Variants in ALG11 observed in about 807,000 individuals in gnomAD.
ALG11 encodes ALG11 alpha-1,2-mannosyltransferase, also known as GDP-Man:Man(3)GlcNAc(2)-PP-Dol alpha-1,2-mannosyltransferase.
ALG11 carries 26 observed loss-of-function variants against 38.8 expected under a neutral mutation model. The observed-to-expected ratio is 0.67, with a 90% CI of 0.49 to 0.93. The LOEUF is 0.93. Among genes scored for constraint, ALG11 ranks in the 40% least tolerant of loss-of-function variants. The pLI, the probability that ALG11 is intolerant of heterozygous loss-of-function variation, is 0.00. For synonymous variants in ALG11, 199 were observed against 211.6 expected (o/e 0.94, Z 0.52); for missense variants, 535 against 578.8 (o/e 0.92, Z 0.78).
At position 52,028,169 on chromosome 13, in the gene ALG11, T is replaced by C. The variant is rs973946630; in HGVS notation, c.1208-150T>C. On this transcript the variant is annotated intron_variant, in intron 3 of 3. Coordinates refer to ENST00000521508, the MANE Select transcript of ALG11 (RefSeq NM_001004127.3). ...AACTTAAAATTATTTTATCTTGTACTGTAGAAGTTGAATAAGCAAATGTCT... is the reference window on the plus strand; with the variant it reads ...AACTTAAAATTATTTTATCTTGTACCGTAGAAGTTGAATAAGCAAATGTCT... 12 of 846,612 alleles carry C rather than the reference T, an allele frequency of 1.4e-5. No homozygotes were observed. In the Admixed American group the frequency reaches 2.9e-4, roughly 20 times the overall value. 52.4% of individuals were successfully genotyped at this position (846,612 alleles called of 1,614,324 possible). A position where few individuals can be genotyped will look rare whatever the true frequency, so the allele number is the denominator to read the frequency against.
intron 3 of ALG11, 99 bp downstream of exon 3, chr13:52,025,036 T>G: frequency 7.5e-7 from 1 of 1,335,972 alleles, no homozygotes; most frequent in South Asian, 1.2e-5. Flanking sequence ...CATCATGCCC[T>G]AATTCTCTTG....
At chr13:52,027,073 T>G (rs1262437036) in intron 3 of ALG11, among the ~76,000 whole-genome samples, 1 of 152,096 alleles carries the variant, frequency 6.6e-6, no homozygotes, top group African/African-American at 2.4e-5. Context: ...ATTCCGATGC[T>G]GCCCAGATGC....
chr13:52,024,861 A>T lies in ALG11; in HGVS notation c.1131A>T (p.Pro377=). The change falls in exon 3 of 4, where the codon CCA becomes CCT. Residue 377 remains proline, a synonymous_variant. Coordinates refer to ENST00000521508, the MANE Select transcript of ALG11 (RefSeq NM_001004127.3). ...QEYVEFKINI[P]FDELKNYLSE... is the part of the protein sequence containing the mutation. ...ATGTGGAATTTAAAATAAACATTCC[A>T]TTTGATGAATTAAAGAATTATTTGT... The T allele has an allele frequency of 6.2e-7, 1 of 1,614,002 alleles. No homozygotes were observed. Among genetic ancestry groups the T allele is most frequent in the Non-Finnish European group, 8.5e-7 (1 of 1,179,988 alleles).
rs1307941665 is a variant in ALG11 at position 52,029,314 on chromosome 13, T to C, written c.*724T>C. 1.2e-6 allele frequency: 2 copies of C among 1,614,008 alleles called. No homozygotes were observed. Among genetic ancestry groups the C allele is most frequent in the Non-Finnish European group, 1.7e-6 (2 of 1,180,030 alleles). Reference sequence around the variant, plus strand: ...AGGAGCAGCCAGCCATTGCTCCCATTGAACATGCGCTCAGTGGCTGGAAGG... The same window carrying C: ...AGGAGCAGCCAGCCATTGCTCCCATCGAACATGCGCTCAGTGGCTGGAAGG... On this transcript the variant is annotated 3_prime_UTR_variant, in exon 4 of 4. Transcript: ENST00000521508.
At position 52,030,998 on chromosome 13, in the gene ALG11, A is replaced by G; in HGVS notation, c.*2408A>G. ...GCCAGGCCATATCATTAAGCCCATAAAAGCAGAGGATGTGGGCTACCAGTC... is the reference window on the plus strand; with the variant it reads ...GCCAGGCCATATCATTAAGCCCATAGAAGCAGAGGATGTGGGCTACCAGTC... On this transcript the variant is annotated 3_prime_UTR_variant, in exon 4 of 4. Coordinates refer to ENST00000521508, the MANE Select transcript of ALG11 (RefSeq NM_001004127.3). 1 of 1,614,178 alleles carries G rather than the reference A, an allele frequency of 6.2e-7. No individual in the cohort carries two copies. The highest frequency in any genetic ancestry group is 8.5e-7 in the Non-Finnish European group (1 of 1,180,038).
chr13:52,026,697 C>G (rs918429434), intron 3 of ALG11, among the ~76,000 whole-genome samples: 2 of 152,150 alleles, frequency 1.3e-5, no homozygotes, highest in Non-Finnish European at 2.9e-5. Flanking sequence ...AGGGGAAATC[C>G]AAGAGCAAAT....
chr13:52,029,032 T>A lies in ALG11; in HGVS notation c.*442T>A. ...TGAAAGTGTCAGAGTTCAGTGTCAG[T>A]TCTGAAGGATCAGGAGAAAAGCTGG... is the stretch of plus-strand genomic sequence containing the variant. On this transcript the variant is annotated 3_prime_UTR_variant, in exon 4 of 4. Transcript: ENST00000521508. The A allele has an allele frequency of 6.2e-7, 1 of 1,614,258 alleles. No individual in the cohort carries two copies. Among genetic ancestry groups the A allele is most frequent in the East Asian group, 2.2e-5 (1 of 44,892 alleles).
rs1294895644 is a variant in ALG11, at chr13:52,028,495, C to T, written c.1384C>T (p.Gln462Ter). The T allele has an allele frequency of 6.2e-7, 1 of 1,614,116 alleles. No individual in the cohort carries two copies. Among genetic ancestry groups the T allele is most frequent in the Admixed American group, 1.7e-5 (1 of 60,022 alleles). ...ILSMSAEKRL[Q>*]IRKSARASVS... ...TTCCATGTCTGCAGAAAAGAGACTCCAAATCAGAAAAAGTGCTCGTGCATC... is the reference window on the plus strand; with the variant it reads ...TTCCATGTCTGCAGAAAAGAGACTCTAAATCAGAAAAAGTGCTCGTGCATC... Residue 462 changes from glutamine to a stop codon, truncating the protein, a stop_gained, in exon 4 of 4, where the codon CAA (glutamine) becomes TAA (stop). Transcript: ENST00000521508. LOFTEE classifies it high-confidence loss of function.
At position 52,029,259 on chromosome 13, in the gene ALG11, A is replaced by AG. The variant is rs1954272441; in HGVS notation, c.*671dup. The AG allele has an allele frequency of 2.5e-6, 4 of 1,614,230 alleles. No individual in the cohort carries two copies. The South Asian group carries it at 3.3e-5, about 13-fold the overall frequency. On this transcript the variant is annotated 3_prime_UTR_variant, in exon 4 of 4. Transcript: ENST00000521508. ...GACCCTATCATCCTGAAGAACCAGC[A>AG]GGCAGAGCAGCTGGTTTTTCCCCTG...
At position 52,030,857 on chromosome 13, in the gene ALG11, C is replaced by T; in HGVS notation, c.*2267C>T. On this transcript the variant is annotated 3_prime_UTR_variant, in exon 4 of 4. Transcript: ENST00000521508. ...AGCAGCTCATCAGGTACAAGTGCTT[C>T]CATATCCATTTACCCACCATCGGCA... 2.5e-6 allele frequency: 4 copies of T among 1,614,176 alleles called. No individual in the cohort carries two copies. The highest frequency in any genetic ancestry group is 3.4e-6 in the Non-Finnish European group (4 of 1,180,030).
intron 1 of ALG11, among the ~76,000 whole-genome samples, chr13:52,014,021 A>G (rs1954114280): frequency 6.6e-6 from 1 of 152,248 alleles, no homozygotes; most frequent in South Asian, 2.1e-4. Flanking sequence ...AAGAAACTGC[A>G]TAACTTGTCA....
At position 52,024,717 on chromosome 13, in the gene ALG11, G is replaced by A. The variant is rs921029114; in HGVS notation, c.987G>A (p.Lys329=). Residue 329 remains lysine (K), a synonymous_variant, in exon 3 of 4, where the codon AAG becomes AAA. Transcript: ENST00000521508. ...IRAFAKLLNK[K]MVESPPSLKL... is the part of the protein sequence containing the mutation. ...CCTTTGCTAAATTGCTGAATAAGAAGATGGTTGAGTCACCTCCTTCGCTTA... is the reference window on the plus strand; with the variant it reads ...CCTTTGCTAAATTGCTGAATAAGAAAATGGTTGAGTCACCTCCTTCGCTTA... 9 of 1,614,110 alleles carry A rather than the reference G, an allele frequency of 5.6e-6. No homozygotes were observed. Among genetic ancestry groups the A allele is most frequent in the Admixed American group, 5.0e-5 (3 of 60,014 alleles).
At chr13:52,019,263 C>T in intron 2 of ALG11, 120 bp downstream of exon 2, 1 of 932,486 alleles carries the variant, frequency 1.1e-6, no homozygotes, top group Non-Finnish European at 1.6e-6. Flanking sequence ...ACTCTGTCAC[C>T]CAGGCTGGAG....
Position 52,031,062 on chromosome 13 carries a change from C to T in ALG11, c.*2472C>T, listed in dbSNP as rs755562765. Reference sequence around the variant, plus strand: ...GACCTGCCTGTCATACAGAGGAATCCAAAACGAATCACCACACGTCACAAT... The same window carrying T: ...GACCTGCCTGTCATACAGAGGAATCTAAAACGAATCACCACACGTCACAAT... On this transcript the variant is annotated 3_prime_UTR_variant, in exon 4 of 4. Coordinates refer to ENST00000521508, the MANE Select transcript of ALG11 (RefSeq NM_001004127.3). 6.2e-7 allele frequency: 1 copy of T among 1,614,002 alleles called. No homozygotes were observed. The highest frequency in any genetic ancestry group is 2.2e-5 in the East Asian group (1 of 44,874).
Position 52,030,022 on chromosome 13 carries a change from G to C in ALG11, c.*1432G>C. 1 of 1,614,190 alleles carries C rather than the reference G, an allele frequency of 6.2e-7. No individual in the cohort carries two copies. Among genetic ancestry groups the C allele is most frequent in the Non-Finnish European group, 8.5e-7 (1 of 1,180,034 alleles). ...CAGCTCATGAGGTTTCTGCAAGTGA[G>C]GCAGAAGAAAGACCAGTGGCAGAGG... On this transcript the variant is annotated 3_prime_UTR_variant, in exon 4 of 4. Transcript: ENST00000521508.
chr13:52,033,031 A>T lies in ALG11; in HGVS notation c.*4441A>T, dbSNP rs1325608929. 4 of 167,110 alleles carry T rather than the reference A, an allele frequency of 2.4e-5. No homozygotes were observed. The highest frequency in any genetic ancestry group is 7.2e-5 in the African/African-American group (3 of 41,456). The allele number at this position is 167,110 out of a possible 1,614,324, so 10.4% of individuals were successfully genotyped here. ...AGAAAAAGTTTTCTGGAATTCCGTAAATTATATTTTAAGCTTATTTCTTCA... is the reference window on the plus strand; with the variant it reads ...AGAAAAAGTTTTCTGGAATTCCGTATATTATATTTTAAGCTTATTTCTTCA... On this transcript the variant is annotated 3_prime_UTR_variant, in exon 4 of 4. Transcript: ENST00000521508.
At chr13:52,013,080 A>AG (rs1490873577) in intron 1 of ALG11, among the ~76,000 whole-genome samples, 1 of 152,228 alleles carries the variant, frequency 6.6e-6, no homozygotes, top group African/African-American at 2.4e-5. Context: ...AAAAAACCCC[A>AG]GGAATGCTAC....
rs1317880058 is a variant in ALG11 at position 52,018,836 on chromosome 13, T to C, written c.45-77T>C. On this transcript the variant is annotated intron_variant, in intron 1 of 3. Transcript: ENST00000521508. ...TTGTTACTAATATATAAAGTAGATA[T>C]GTAAAAGCAGACTTTAATTTGTAAT... 21 of 1,198,114 alleles carry C rather than the reference T, an allele frequency of 1.8e-5. No homozygotes were observed. The South Asian group carries it at 2.2e-4, about 12-fold the overall frequency. The allele number at this position is 1,198,114 out of a possible 1,614,324, so 74.2% of individuals were successfully genotyped here.
rs1365430164 is a variant in ALG11 at position 52,030,891 on chromosome 13, G to A, written c.*2301G>A. ...TTTACCCACCATCGGCAATTTGAAA[G>A]GACCATCCAGACCCCTATAGGATCC... is the stretch of plus-strand genomic sequence containing the variant. On this transcript the variant is annotated 3_prime_UTR_variant, in exon 4 of 4. Coordinates refer to ENST00000521508, the MANE Select transcript of ALG11 (RefSeq NM_001004127.3). The A allele has an allele frequency of 6.2e-7, 1 of 1,614,026 alleles. No individual in the cohort carries two copies. The highest frequency in any genetic ancestry group is 1.3e-5 in the African/African-American group (1 of 74,900).
Sources: allele counts gnomAD v4.1 joint callset (sites outside exome capture counted in the v4.1 genomes callset), GRCh38; gene constraint gnomAD v4.1.1; transcripts MANE v1.5; gene names NCBI Gene and HGNC (gene_info 2026-07-23, HGNC 2026-07-21).